The following ADAMTS16 variants were observed in gnomAD, a reference collection of about 807,000 sequenced individuals.
ADAMTS16 encodes A disintegrin and metalloproteinase with thrombospondin motifs 16.
A neutral mutation model predicts 145.8 loss-of-function variants in ADAMTS16; 94 were observed. That is an observed-to-expected ratio of 0.64 (90% CI 0.55 to 0.77). The LOEUF is 0.77. ADAMTS16 is among the 30% of genes least tolerant of loss of function. The pLI, the probability that ADAMTS16 is intolerant of heterozygous loss-of-function variation, is 0.00. For missense variants in ADAMTS16, 1,585 were observed against 1,591.5 expected, an observed-to-expected ratio of 1.00 and a Z score of 0.07; for synonymous variants, 659 against 604.3, an observed-to-expected ratio of 1.09 and a Z score of -1.33.
At position 5,288,215 on chromosome 5, in the gene ADAMTS16, T is replaced by C. The variant is rs75770359; in HGVS notation, c.2790-15053T>C. ...CCGAAGAACGGAAGCCCATACACAG[T>C]TGCTAGTGAATCCTCCGTGATTTAA... On this transcript the variant is annotated intron_variant, in intron 18 of 22. Transcript: ENST00000274181. Among the ~76,000 whole-genome samples the C allele has an allele frequency of 3.6e-3, 547 of 152,280 alleles. 2 individuals are homozygous for C. The highest frequency in any genetic ancestry group is 0.012 in the African/African-American group (484 of 41,564).
chr5:5,246,325 C>CA (rs1737437887), intron 17 of ADAMTS16, among the ~76,000 whole-genome samples: 1 of 152,168 alleles, frequency 6.6e-6, no homozygotes, highest in African/African-American at 2.4e-5. Context: ...CAATTCACAG[C>CA]AAAAATTTCT....
intron 13 of ADAMTS16, 38 bp from the exon 14 acceptor site, chr5:5,236,931 T>G (rs1737126521): frequency 6.3e-7 from 1 of 1,575,384 alleles, no homozygotes; most frequent in Non-Finnish European, 8.6e-7. Flanking sequence ...GCTTAAGTAT[T>G]TTTCTTATTT....
intron 7 of ADAMTS16, among the ~76,000 whole-genome samples, chr5:5,191,316 T>A (rs1166011030): frequency 6.6e-6 from 1 of 152,150 alleles, no homozygotes; most frequent in Non-Finnish European, 1.5e-5. Context: ...CCTTTTCACT[T>A]GGTCTTTTGG....
chr5:5,299,319 C>T (rs1336871408), intron 18 of ADAMTS16, among the ~76,000 whole-genome samples: 1 of 152,230 alleles, frequency 6.6e-6, no homozygotes, highest in Admixed American at 6.5e-5. Context: ...ACAAGCAGAG[C>T]ATGGCTGCCC....
chr5:5,183,511 G>A (rs1302695547), intron 4 of ADAMTS16, among the ~76,000 whole-genome samples: 1 of 152,198 alleles, frequency 6.6e-6, no homozygotes, highest in East Asian at 1.9e-4. Flanking sequence ...CCACACACCT[G>A]GATCTCAGCA....
chr5:5,277,304 T>C (rs1738740047), intron 18 of ADAMTS16, among the ~76,000 whole-genome samples: 1 of 152,210 alleles, frequency 6.6e-6, no homozygotes, highest in Non-Finnish European at 1.5e-5. Flanking sequence ...CTACAGCATG[T>C]GTTCAGTTAC....
Position 5,220,748 on chromosome 5 carries a change from T to G in ADAMTS16, c.1606-2041T>G, listed in dbSNP as rs567325057. 3.3e-5 allele frequency among the ~76,000 whole-genome samples: 5 copies of G among 152,236 alleles called. No homozygotes were observed. In the South Asian group the frequency reaches 1.0e-3, roughly 32 times the overall value. ...CCACGATTAGACGTTGCTGTCCTCATGTGCACAGTGAGGACTCAGGGGTCC... is the reference window on the plus strand; with the variant it reads ...CCACGATTAGACGTTGCTGTCCTCAGGTGCACAGTGAGGACTCAGGGGTCC... On this transcript the variant is annotated intron_variant, in intron 10 of 22. Coordinates refer to ENST00000274181, the MANE Select transcript of ADAMTS16 (RefSeq NM_139056.4).
chr5:5,217,476 TTA>T (rs1310305004), intron 10 of ADAMTS16, among the ~76,000 whole-genome samples: 1 of 152,188 alleles, frequency 6.6e-6, no homozygotes, highest in Non-Finnish European at 1.5e-5. Context: ...TCTAGAATTT[TTA>T]TAGTTTCAGG....
intron 11 of ADAMTS16, among the ~76,000 whole-genome samples, chr5:5,226,684 C>G (rs1013836033): frequency 6.6e-6 from 1 of 152,116 alleles, no homozygotes; most frequent in East Asian, 1.9e-4. Flanking sequence ...GATGGCACCT[C>G]GTCTCCTCTC....
At chr5:5,156,045 G>T (rs114143173) in intron 3 of ADAMTS16, among the ~76,000 whole-genome samples, 16 of 152,150 alleles carry the variant, frequency 1.1e-4, no homozygotes, top group Admixed American at 2.0e-4. Flanking sequence ...TAGACAGTCC[G>T]CAGGGGCTAG....
intron 8 of ADAMTS16, among the ~76,000 whole-genome samples, chr5:5,193,160 TGTGCGC>T (rs1227208186): frequency 6.6e-6 from 1 of 150,406 alleles, no homozygotes. Context: ...TGTGTGTGTG[TGTGCGC>T]GCGCGCACAT....
At chr5:5,303,208 G>A in intron 18 of ADAMTS16, 60 bp from the exon 19 acceptor site, 4 of 1,459,644 alleles carry the variant, frequency 2.7e-6, no homozygotes, top group Non-Finnish European at 3.6e-6. Context: ...TCAGATGTGG[G>A]GCCGCTTCTA....
chr5:5,283,300 A>G (rs1738990300), intron 18 of ADAMTS16, among the ~76,000 whole-genome samples: 1 of 152,222 alleles, frequency 6.6e-6, no homozygotes, highest in South Asian at 2.1e-4. Context: ...GGAAACATTC[A>G]CTTATTTCCA....
chr5:5,270,666 A>G (rs910622894), intron 18 of ADAMTS16, among the ~76,000 whole-genome samples: 16 of 152,220 alleles, frequency 1.1e-4, no homozygotes, highest in African/African-American at 3.9e-4. Context: ...GATTTTAACA[A>G]TTGAGTTGGG....
chr5:5,276,453 T>C (rs1457791616), intron 18 of ADAMTS16, among the ~76,000 whole-genome samples: 1 of 152,228 alleles, frequency 6.6e-6, no homozygotes, highest in East Asian at 1.9e-4. Context: ...TATCCAGGAT[T>C]ACTCACACAA....
intron 8 of ADAMTS16, among the ~76,000 whole-genome samples, chr5:5,199,488 C>CCACAGACAGAT (rs1392423469): frequency 1.3e-5 from 2 of 152,178 alleles, no homozygotes; most frequent in Non-Finnish European, 1.5e-5. Flanking sequence ...GAGCTACTCT[C>CCACAGACAGAT]TCCAAATAGA....
intron 3 of ADAMTS16, among the ~76,000 whole-genome samples, chr5:5,178,848 A>G (rs986911530): frequency 5.9e-5 from 9 of 152,018 alleles, no homozygotes; most frequent in Non-Finnish European, 1.3e-4. Context: ...GCCAGGAACC[A>G]GAAAGAGTGT....
chr5:5,208,722 G>A (rs1220186371), intron 9 of ADAMTS16, among the ~76,000 whole-genome samples: 3 of 152,168 alleles, frequency 2.0e-5, no homozygotes, highest in Non-Finnish European at 4.4e-5. Flanking sequence ...TTTTTATAAT[G>A]CCCATCTTTT....
Position 5,200,210 on chromosome 5 carries a change from A to T in ADAMTS16, c.1392A>T (p.Gly464=). The part of the protein sequence containing the change: ...EGNIMSPTLA[G]RNGVFSWSPC... Reference sequence around the variant, plus strand: ...ACATCATGTCCCCTACATTGGCAGGACGCAATGGAGTCTTCTCCTGGTCAC... The same window carrying T: ...ACATCATGTCCCCTACATTGGCAGGTCGCAATGGAGTCTTCTCCTGGTCAC... Residue 464 remains glycine (G), a synonymous_variant, in exon 9 of 23, where the codon GGA becomes GGT. Transcript: ENST00000274181. 6.2e-7 allele frequency: 1 copy of T among 1,614,116 alleles called. No homozygotes were observed. The highest frequency in any genetic ancestry group is 1.1e-5 in the South Asian group (1 of 91,076).
Sources: gnomAD v4.1 joint callset for allele counts (sites outside exome capture counted in the v4.1 genomes callset) on GRCh38, gnomAD v4.1.1 for gene constraint, MANE v1.5 for transcripts, NCBI Gene and HGNC (gene_info 2026-07-23, HGNC 2026-07-21) for gene names.